Variants in TMEM253 observed in about 807,000 individuals in gnomAD.
TMEM253 encodes transmembrane protein 253.
In TMEM253, 22 loss-of-function variants were observed where a neutral mutation model predicts 20.3. That is an observed-to-expected ratio of 1.08 (90% CI 0.78 to 1.55). The LOEUF (loss-of-function observed/expected upper bound fraction) is 1.55. Ranked by LOEUF, TMEM253 falls within the 40% of genes most tolerant of loss-of-function variation. TMEM253 has a pLI of 0.00. For synonymous variants in TMEM253, 92 were observed against 102.6 expected, an observed-to-expected ratio of 0.90 and a Z score of 0.62; for missense variants, 251 against 266.1, an observed-to-expected ratio of 0.94 and a Z score of 0.39.
rs1458519624 is a variant in TMEM253 at position 21,101,853 on chromosome 14, C to A, written c.109-12C>A. Reference sequence around the variant, plus strand: ...GACAGTTCCTCCCCAATTACCCTACCCTTACCCCCAGGTGAGCCAGCTATG... The same window carrying A: ...GACAGTTCCTCCCCAATTACCCTACACTTACCCCCAGGTGAGCCAGCTATG... On this transcript the variant is annotated splice_polypyrimidine_tract_variant and intron_variant, in intron 2 of 6. Transcript: ENST00000556585. The A allele has an allele frequency of 1.3e-6, 2 of 1,549,992 alleles. No homozygotes were observed. The highest frequency in any genetic ancestry group is 2.4e-5 in the East Asian group (1 of 40,930).
At position 21,102,052 on chromosome 14, in the gene TMEM253, C is replaced by G; in HGVS notation, c.220-12C>G. ...GGACCAGAGCTCAACACTTGCCCTT[C>G]TCACCATTCAGGGTCTCCTCACTGG... On this transcript the variant is annotated splice_polypyrimidine_tract_variant and intron_variant, in intron 3 of 6. Coordinates refer to ENST00000556585, the Ensembl canonical transcript of TMEM253. The G allele has an allele frequency of 6.4e-7, 1 of 1,551,158 alleles. No homozygotes were observed. Among genetic ancestry groups the G allele is most frequent in the Non-Finnish European group, 8.7e-7 (1 of 1,146,630 alleles).
upstream of TMEM253, among the ~76,000 whole-genome samples, chr14:21,100,374 T>C (rs1889558022): frequency 1.3e-5 from 2 of 151,254 alleles, no homozygotes; most frequent in South Asian, 4.2e-4. Flanking sequence ...AATAATATAA[T>C]AATAATAATA....
chr14:21,099,033 C>G (rs1889484130), upstream of TMEM253: 1 of 292,486 alleles, frequency 3.4e-6, no homozygotes, highest in Admixed American at 5.2e-5. Context: ...CCTGCGCCTT[C>G]CTCTCGAATT....
At chr14:21,103,022 AT>A (rs1889744721) in intron 6 of TMEM253, 116 bp from the exon 7 acceptor site, 8 of 1,502,440 alleles carry the variant, frequency 5.3e-6, no homozygotes, top group Non-Finnish European at 5.4e-6. Context: ...CTGCCTAAAT[AT>A]TGGCAGGACT....
exon 6 of TMEM253, chr14:21,102,664 C>G (rs2139353817): frequency 6.4e-7 from 1 of 1,551,564 alleles, no homozygotes; most frequent in East Asian, 2.4e-5. Context: ...GAACTCAGTG[C>G]TGAGGCCTTC....
intron 2 of TMEM253, 42 bp from the exon 3 acceptor site, chr14:21,101,823 T>C (rs1889649989): frequency 8.8e-6 from 13 of 1,469,580 alleles, no homozygotes; most frequent in African/African-American, 1.4e-5. Context: ...AGGGAGGGAA[T>C]CCCTGACAGT....
rs762619558 is a variant in TMEM253, at chr14:21,102,065, G to A, written c.221G>A (p.Gly74Asp). ...ACACTTGCCCTTCTCACCATTCAGGGTCTCCTCACTGGGACTGTCACTCTG... is the reference window on the plus strand; with the variant it reads ...ACACTTGCCCTTCTCACCATTCAGGATCTCCTCACTGGGACTGTCACTCTG... The change falls in exon 4 of 7, where the codon GGT (glycine) becomes GAT (aspartate). Residue 74 changes from glycine (G) to aspartate (D), a missense_variant and splice_region_variant. Physicochemically the swap from Gly to Asp is moderately conservative, Grantham distance 94. Coordinates refer to ENST00000556585, the Ensembl canonical transcript of TMEM253. 1.9e-6 allele frequency: 3 copies of A among 1,551,388 alleles called. No individual in the cohort carries two copies. In the South Asian group the frequency reaches 3.6e-5, roughly 18 times the overall value.
intron 6 of TMEM253, 52 bp downstream of exon 6, chr14:21,102,831 C>T: frequency 6.5e-7 from 1 of 1,533,896 alleles, no homozygotes; most frequent in Non-Finnish European, 8.7e-7. Context: ...CTAATTTTTC[C>T]ACTGCCTATC....
In TMEM253 at chr14:21,101,773, A is replaced by G. The variant is rs1889646669; in HGVS notation, c.109-92A>G. 7.9e-6 allele frequency: 8 copies of G among 1,019,068 alleles called. No individual in the cohort carries two copies. The East Asian group carries it at 7.9e-5, about 10-fold the overall frequency. 63.1% of individuals were successfully genotyped at this position (1,019,068 alleles called of 1,614,324 possible). A position where few individuals can be genotyped will look rare whatever the true frequency, so the allele number is the denominator to read the frequency against. On this transcript the variant is annotated intron_variant, in intron 2 of 6. Coordinates refer to ENST00000556585, the Ensembl canonical transcript of TMEM253. Reference sequence around the variant, plus strand: ...ACTGCTTTCCTCCACCCTGCATTCAATCCCATTTCCTGATCTCTAAAGAGG... The same window carrying G: ...ACTGCTTTCCTCCACCCTGCATTCAGTCCCATTTCCTGATCTCTAAAGAGG...
intron 2 of TMEM253, 59 bp downstream of exon 2, chr14:21,101,510 C>A: frequency 7.5e-7 from 1 of 1,324,698 alleles, no homozygotes; most frequent in South Asian, 1.3e-5. Context: ...CAATTCAATT[C>A]CATCCATCCA....
upstream of TMEM253, among the ~76,000 whole-genome samples, chr14:21,100,349 G>A (rs1024316330): frequency 1.0e-4 from 15 of 149,322 alleles, no homozygotes; most frequent in African/African-American, 3.6e-4. Context: ...CTGGGTGACA[G>A]TGAGCCCCTG....
At chr14:21,103,420 A>C in exon 7 of TMEM253, 1 of 1,212,880 alleles carries the variant, frequency 8.2e-7, no homozygotes, top group South Asian at 1.6e-5. Flanking sequence ...CCTGGACGAG[A>C]ATATATCCTC....
At chr14:21,102,091 G>A in exon 4 of TMEM253, 1 of 1,551,146 alleles carries the variant, frequency 6.4e-7, no homozygotes. Context: ...TGTCACTCTG[G>A]AGCTTCGCAG....
chr14:21,101,852 C>G lies in TMEM253; in HGVS notation c.109-13C>G. The stretch of plus-strand genomic sequence containing the variant: ...TGACAGTTCCTCCCCAATTACCCTA[C>G]CCTTACCCCCAGGTGAGCCAGCTAT... On this transcript the variant is annotated splice_polypyrimidine_tract_variant and intron_variant, in intron 2 of 6. Transcript: ENST00000556585. 6.5e-7 allele frequency: 1 copy of G among 1,549,664 alleles called. No individual in the cohort carries two copies. Among genetic ancestry groups the G allele is most frequent in the Non-Finnish European group, 8.7e-7 (1 of 1,145,502 alleles).
exon 7 of TMEM253, chr14:21,103,210 G>C: frequency 1.3e-6 from 2 of 1,551,708 alleles, no homozygotes; most frequent in South Asian, 2.4e-5. Context: ...GAGCAAATGA[G>C]AGGGTGGGAC....
rs1889731400 is a variant in TMEM253 at position 21,102,785 on chromosome 14, G to C, written c.534+6G>C. ...ACTATCAAGAGCTGCAGGAGGTATG[G>C]GGGCAGGGAAGAAAGCACGAATAGC... is the stretch of plus-strand genomic sequence containing the variant. On this transcript the variant is annotated splice_donor_region_variant and intron_variant, in intron 6 of 6. Coordinates refer to ENST00000556585, the Ensembl canonical transcript of TMEM253. 9 of 1,547,850 alleles carry C rather than the reference G, an allele frequency of 5.8e-6. No homozygotes were observed. Among genetic ancestry groups the C allele is most frequent in the Non-Finnish European group, 7.8e-6 (9 of 1,146,758 alleles).
rs367883550 is a variant in TMEM253 at position 21,101,981 on chromosome 14, A to G, written c.219+6A>G. The G allele has an allele frequency of 1.9e-6, 3 of 1,551,292 alleles. No individual in the cohort carries two copies. The African/African-American group carries it at 4.1e-5, about 21-fold the overall frequency. ...CTCTTGGGCCTGGAGCCTCAGTAAG[A>G]CCCACCACAAGGGAGGGTGGAAGGT... On this transcript the variant is annotated splice_donor_region_variant and intron_variant, in intron 3 of 6. Coordinates refer to ENST00000556585, the Ensembl canonical transcript of TMEM253.
upstream of TMEM253, chr14:21,099,105 C>T: frequency 4.0e-6 from 1 of 248,524 alleles, no homozygotes; most frequent in South Asian, 3.6e-5. Flanking sequence ...TTACTGAGTG[C>T]TTACTAAGTG....
Position 21,102,015 on chromosome 14 carries a change from C to G in TMEM253, c.219+40C>G, listed in dbSNP as rs1182356802. ...AAGGGAGGGTGGAAGGTCCCAGGGC[C>G]CCTTCCTAACGGGACCAGAGCTCAA... On this transcript the variant is annotated intron_variant, in intron 3 of 6. Coordinates refer to ENST00000556585, the Ensembl canonical transcript of TMEM253. 8 of 1,549,962 alleles carry G rather than the reference C, an allele frequency of 5.2e-6. No individual in the cohort carries two copies. In the African/African-American group the frequency reaches 8.2e-5, roughly 16 times the overall value.
Sources: gnomAD v4.1 joint callset for allele counts (sites outside exome capture counted in the v4.1 genomes callset) on GRCh38, gnomAD v4.1.1 for gene constraint, MANE v1.5 for transcripts, NCBI Gene and HGNC (gene_info 2026-07-23, HGNC 2026-07-21) for gene names.